ARHGAP15: variants seen among roughly 807,000 people sequenced by gnomAD.
The protein encoded by ARHGAP15 is rho GTPase-activating protein 15.
A neutral mutation model predicts 63.7 loss-of-function variants in ARHGAP15; 51 were observed. The ratio of observed to expected loss-of-function variants is 0.80; its 90% confidence interval spans 0.64 to 1.01. The LOEUF is 1.01. ARHGAP15 is among the 50% of genes least tolerant of loss of function. The pLI is 0.00. For synonymous variants in ARHGAP15, 191 were observed against 193.8 expected, an observed-to-expected ratio of 0.99 and a Z score of 0.12; for missense variants, 560 against 564.6, an observed-to-expected ratio of 0.99 and a Z score of 0.08.
chr2:143,684,746 C>T (rs767551058), intron 12 of ARHGAP15, among the ~76,000 whole-genome samples: 13 of 152,104 alleles, frequency 8.5e-5, no homozygotes, highest in Non-Finnish European at 1.5e-4. Context: ...CATCAAATTT[C>T]GTTTTTATAG....
chr2:143,346,388 G>GTT (rs1685302753), intron 6 of ARHGAP15, among the ~76,000 whole-genome samples: 1 of 151,928 alleles, frequency 6.6e-6, no homozygotes, highest in African/African-American at 2.4e-5. Context: ...AACACCATGA[G>GTT]TCACGGTGTT....
intron 10 of ARHGAP15, among the ~76,000 whole-genome samples, chr2:143,542,846 G>T: frequency 8.8e-6 from 1 of 114,088 alleles, no homozygotes; most frequent in African/African-American, 3.2e-5. Flanking sequence ...TAGTATATAT[G>T]ATATATATAA....
At chr2:143,762,475 G>A (rs534619525) in intron 13 of ARHGAP15, among the ~76,000 whole-genome samples, 101 of 152,258 alleles carry the variant, frequency 6.6e-4, no homozygotes, top group Admixed American at 1.1e-3. Flanking sequence ...GGAACTAGCC[G>A]GAATGACCAG....
chr2:143,737,076 G>A (rs1426165336), intron 13 of ARHGAP15, among the ~76,000 whole-genome samples: 1 of 152,136 alleles, frequency 6.6e-6, no homozygotes, highest in Non-Finnish European at 1.5e-5. Context: ...ACTTGTTTGG[G>A]ACTCTCTCCT....
At chr2:143,405,425 T>C (rs1370338244) in intron 6 of ARHGAP15, among the ~76,000 whole-genome samples, 1 of 151,936 alleles carries the variant, frequency 6.6e-6, no homozygotes, top group Admixed American at 6.6e-5. Flanking sequence ...AGTACTTGTT[T>C]CATCAACTTC....
chr2:143,537,496 G>A (rs1694834858), intron 10 of ARHGAP15, among the ~76,000 whole-genome samples: 3 of 152,172 alleles, frequency 2.0e-5, no homozygotes, highest in Admixed American at 1.3e-4. Context: ...TTCTTCTAGA[G>A]TTTTTATGGT....
At chr2:143,695,158 A>C (rs1559130630) in intron 12 of ARHGAP15, among the ~76,000 whole-genome samples, 1 of 152,226 alleles carries the variant, frequency 6.6e-6, no homozygotes, top group Non-Finnish European at 1.5e-5. Context: ...ATTAAAAAAA[A>C]GGTTGTAAAA....
intron 6 of ARHGAP15, among the ~76,000 whole-genome samples, chr2:143,250,874 T>G (rs1278130883): frequency 1.3e-5 from 2 of 152,022 alleles, no homozygotes; most frequent in Non-Finnish European, 2.9e-5. Context: ...GCGATAGATG[T>G]CTGGAGTTCA....
chr2:143,589,977 A>G (rs1697259258), intron 11 of ARHGAP15, among the ~76,000 whole-genome samples: 1 of 152,234 alleles, frequency 6.6e-6, no homozygotes, highest in Non-Finnish European at 1.5e-5. Flanking sequence ...TAGAATATAG[A>G]ATACAGTATG....
intron 13 of ARHGAP15, among the ~76,000 whole-genome samples, chr2:143,714,230 C>T (rs909752809): frequency 1.1e-4 from 16 of 152,242 alleles, no homozygotes; most frequent in Non-Finnish European, 2.2e-4. Context: ...CACCACATAG[C>T]TGCCAAGGCT....
chr2:143,131,536 C>G (rs550797784), intron 1 of ARHGAP15, among the ~76,000 whole-genome samples: 1 of 152,302 alleles, frequency 6.6e-6, no homozygotes, highest in South Asian at 2.1e-4. Context: ...GAGCGGCCTG[C>G]TCTGCTCCTA....
At chr2:143,721,697 T>A (rs1470245146) in intron 13 of ARHGAP15, among the ~76,000 whole-genome samples, 1 of 152,236 alleles carries the variant, frequency 6.6e-6, no homozygotes, top group African/African-American at 2.4e-5. Flanking sequence ...AAACTTTTTT[T>A]TTTTTTGGAA....
intron 10 of ARHGAP15, among the ~76,000 whole-genome samples, chr2:143,527,659 T>G (rs114822289): frequency 1.3e-5 from 2 of 152,098 alleles, no homozygotes; most frequent in Non-Finnish European, 2.9e-5. Context: ...ATATCTAGGG[T>G]GTAAGTATAT....
At chr2:143,666,550 A>G (rs1325569997) in intron 12 of ARHGAP15, among the ~76,000 whole-genome samples, 1 of 141,230 alleles carries the variant, frequency 7.1e-6, no homozygotes, top group African/African-American at 2.6e-5. Flanking sequence ...AATGGCAACA[A>G]AAGACAAAAT....
chr2:143,676,044 C>G (rs1682809396), intron 12 of ARHGAP15: 1 of 152,342 alleles, frequency 6.6e-6, no homozygotes, highest in Non-Finnish European at 1.5e-5. Context: ...TCTACATCAG[C>G]ACTTGCTGCT....
At chr2:143,673,431 G>T (rs905955278) in intron 12 of ARHGAP15, among the ~76,000 whole-genome samples, 4 of 151,940 alleles carry the variant, frequency 2.6e-5, no homozygotes, top group Admixed American at 2.6e-4. Context: ...CCAAGTAGCT[G>T]GGATTACAGG....
chr2:143,372,349 TAAAAAAAA>T (rs35140789), intron 6 of ARHGAP15, among the ~76,000 whole-genome samples: 1 of 114,200 alleles, frequency 8.8e-6, no homozygotes, highest in East Asian at 2.6e-4. Context: ...GTAGTCGATT[TAAAAAAAA>T]AAAAAAAAAA....
chr2:143,270,103 A>G (rs1194020950), intron 6 of ARHGAP15, among the ~76,000 whole-genome samples: 1 of 151,926 alleles, frequency 6.6e-6, no homozygotes, highest in African/African-American at 2.4e-5. Flanking sequence ...CTCCTGAGTA[A>G]CTGGGACTAC....
chr2:143,598,969 T>C (rs1697646154), intron 11 of ARHGAP15, among the ~76,000 whole-genome samples: 1 of 152,064 alleles, frequency 6.6e-6, no homozygotes. Context: ...TTTTATTTTT[T>C]GAAGTTAGAA....
Sources: gnomAD v4.1 joint callset for allele counts (sites outside exome capture counted in the v4.1 genomes callset) on GRCh38, gnomAD v4.1.1 for gene constraint, MANE v1.5 for transcripts, NCBI Gene and HGNC (gene_info 2026-07-23, HGNC 2026-07-21) for gene names.